Variants in FOXO3 observed in about 807,000 individuals in gnomAD.
FOXO3 encodes forkhead box protein O3.
A neutral mutation model predicts 41.9 loss-of-function variants in FOXO3; 4 were observed. That is an observed-to-expected ratio of 0.10 (90% CI 0.05 to 0.22). The LOEUF is 0.22. Among genes scored for constraint, FOXO3 ranks in the 10% least tolerant of loss-of-function variants. The pLI, the probability that FOXO3 is intolerant of heterozygous loss-of-function variation, is 1.00. For missense variants in FOXO3, 534 were observed against 906.8 expected (o/e 0.59, Z 5.28); for synonymous variants, 318 against 389.3 (o/e 0.82, Z 2.16).
intron 1 of FOXO3, among the ~76,000 whole-genome samples, chr6:108,649,566 C>G (rs1271508379): frequency 7.1e-6 from 1 of 140,896 alleles, no homozygotes; most frequent in Non-Finnish European, 1.5e-5. Context: ...ACTGTGTTGC[C>G]CAAGCTGGAA....
chr6:108,601,389 C>T (rs1038603803), intron 1 of FOXO3, among the ~76,000 whole-genome samples: 16 of 152,110 alleles, frequency 1.1e-4, no homozygotes, highest in Non-Finnish European at 4.4e-5. Flanking sequence ...CTGCAGCCTC[C>T]GCCTCCTGGT....
intron 1 of FOXO3, among the ~76,000 whole-genome samples, chr6:108,568,769 A>G (rs1347278733): frequency 1.3e-5 from 2 of 152,120 alleles, no homozygotes; most frequent in African/African-American, 4.8e-5. Context: ...CCTAGCATCG[A>G]TGTTGATGTG....
At chr6:108,646,504 T>A (rs1778396261) in intron 1 of FOXO3, among the ~76,000 whole-genome samples, 1 of 152,210 alleles carries the variant, frequency 6.6e-6, no homozygotes, top group African/African-American at 2.4e-5. Context: ...AAAAACAAAA[T>A]GTCCTCTACT....
At position 108,663,526 on chromosome 6, in the gene FOXO3, C is replaced by T. The variant is rs773888086; in HGVS notation, c.693C>T (p.Ser231=). 1 of 1,612,768 alleles carries T rather than the reference C, an allele frequency of 6.2e-7. No individual in the cohort carries two copies. The highest frequency in any genetic ancestry group is 8.5e-7 in the Non-Finnish European group (1 of 1,179,314). ...TCCAGAATGAGGGAACTGGCAAGAG[C>T]TCTTGGTGGATCATCAACCCTGATG... ...MRVQNEGTGK[S]SWWIINPDGG... The change falls in exon 2 of 3, where the codon AGC becomes AGT. Residue 231 remains serine (S), a synonymous_variant. Coordinates refer to ENST00000406360, the MANE Select transcript of FOXO3 (RefSeq NM_001455.4).
chr6:108,676,553 G>A (rs1009423716), intron 2 of FOXO3, among the ~76,000 whole-genome samples: 5 of 152,086 alleles, frequency 3.3e-5, no homozygotes, highest in Non-Finnish European at 7.4e-5. Context: ...TTAATCCGAT[G>A]TGTTTTTAAA....
chr6:108,639,209 G>T (rs1180068746), intron 1 of FOXO3, among the ~76,000 whole-genome samples: 1 of 152,168 alleles, frequency 6.6e-6, no homozygotes, highest in African/African-American at 2.4e-5. Flanking sequence ...CCCACTGGGT[G>T]AGAGAAGAGC....
At chr6:108,603,380 A>G (rs925050599) in intron 1 of FOXO3, among the ~76,000 whole-genome samples, 1 of 152,200 alleles carries the variant, frequency 6.6e-6, no homozygotes, top group African/African-American at 2.4e-5. Context: ...AGTACCTTCT[A>G]CATGTTTGCA....
At chr6:108,606,377 G>A (rs1192680451) in intron 1 of FOXO3, among the ~76,000 whole-genome samples, 3 of 152,138 alleles carry the variant, frequency 2.0e-5, no homozygotes, top group Non-Finnish European at 2.9e-5. Context: ...CTGGTAGGGC[G>A]GTGTTTTCTG....
chr6:108,654,767 T>C (rs1446390454), intron 1 of FOXO3, among the ~76,000 whole-genome samples: 1 of 152,122 alleles, frequency 6.6e-6, no homozygotes, highest in Admixed American at 6.5e-5. Flanking sequence ...CCCTTAATGG[T>C]TTAAACTTTT....
chr6:108,604,726 GTTGCTTT>G (rs1287674838), intron 1 of FOXO3, among the ~76,000 whole-genome samples: 10 of 151,430 alleles, frequency 6.6e-5, no homozygotes, highest in Admixed American at 1.3e-4. Flanking sequence ...TTTTTTCCTT[GTTGCTTT>G]TTGCTTTTCA....
chr6:108,667,308 G>C (rs1779092801), intron 2 of FOXO3, among the ~76,000 whole-genome samples: 1 of 152,214 alleles, frequency 6.6e-6, no homozygotes, highest in Non-Finnish European at 1.5e-5. Context: ...TAGAAGACTA[G>C]TTTGTCTTCC....
Position 108,660,394 on chromosome 6 carries a change from T to G in FOXO3, c.622-3061T>G, listed in dbSNP as rs181479724. On this transcript the variant is annotated intron_variant, in intron 1 of 2. Coordinates refer to ENST00000406360, the MANE Select transcript of FOXO3 (RefSeq NM_001455.4). Reference sequence around the variant, plus strand: ...AGTCTCCTGGGCAACATTTGCCTTATCAGATACTCAGCATGTTGCTTATGT... The same window carrying G: ...AGTCTCCTGGGCAACATTTGCCTTAGCAGATACTCAGCATGTTGCTTATGT... Among the ~76,000 whole-genome samples, 300 of 152,390 alleles carry G rather than the reference T, an allele frequency of 2.0e-3. 1 individual carries two copies. The highest frequency in any genetic ancestry group is 6.3e-3 in the African/African-American group (261 of 41,590).
chr6:108,655,512 C>G (rs1382198214), intron 1 of FOXO3, among the ~76,000 whole-genome samples: 3 of 152,144 alleles, frequency 2.0e-5, no homozygotes, highest in African/African-American at 7.2e-5. Context: ...CCTAATTGCA[C>G]ATTAGAATAA....
chr6:108,619,988 GT>G (rs1777622738), intron 1 of FOXO3, among the ~76,000 whole-genome samples: 1 of 152,162 alleles, frequency 6.6e-6, no homozygotes, highest in South Asian at 2.1e-4. Flanking sequence ...GTCCTTACAG[GT>G]TAAATTCAAA....
In FOXO3 at chr6:108,664,674, A is replaced by G; in HGVS notation, c.1841A>G (p.Asp614Gly). Residue 614 changes from aspartate (D) to glycine (G), a missense_variant, in exon 2 of 3, where the codon GAC (aspartate) becomes GGC (glycine). Around this residue, in one of 8 missense-constraint regions of FOXO3, gnomAD observed 94 missense variants for 214.4 expected, o/e 0.44. Transcript: ENST00000406360. ...HEKFPSDLDL[D>G]MFNGSLECDM... ...AAGTTCCCCAGCGACTTGGACCTGG[A>G]CATGTTCAATGGGAGCTTGGAATGT... is the stretch of plus-strand genomic sequence containing the variant. 1 of 1,033,664 alleles carries G rather than the reference A, an allele frequency of 9.7e-7. No individual in the cohort carries two copies. The highest frequency in any genetic ancestry group is 1.5e-6 in the Non-Finnish European group (1 of 670,806). The allele number at this position is 1,033,664 out of a possible 1,614,324, so 64.0% of individuals were successfully genotyped here.
At chr6:108,672,463 C>G (rs1402038915) in intron 2 of FOXO3, among the ~76,000 whole-genome samples, 1 of 152,236 alleles carries the variant, frequency 6.6e-6, no homozygotes, top group Non-Finnish European at 1.5e-5. Context: ...TGTAGAGCCA[C>G]TGGACACTGG....
chr6:108,640,476 TTAAA>T (rs375870848), intron 1 of FOXO3, among the ~76,000 whole-genome samples: 7 of 152,224 alleles, frequency 4.6e-5, no homozygotes, highest in African/African-American at 1.2e-4. Context: ...CATACTTGTA[TTAAA>T]TAAATTCACA....
intron 1 of FOXO3, among the ~76,000 whole-genome samples, chr6:108,658,913 T>C (rs59629924): frequency 0.044 from 6,693 of 151,358 alleles, 411 homozygotes; most frequent in African/African-American, 0.14. Flanking sequence ...GAGATAGGGC[T>C]GTGCTCTGTC....
intron 1 of FOXO3, among the ~76,000 whole-genome samples, chr6:108,602,985 A>G (rs1777095217): frequency 6.6e-6 from 1 of 152,182 alleles, no homozygotes; most frequent in South Asian, 2.1e-4. Context: ...CTTGGAAAAT[A>G]TACTATATTT....
Sources: gnomAD v4.1 joint callset for allele counts (sites outside exome capture counted in the v4.1 genomes callset) on GRCh38, gnomAD v4.1.1 for gene constraint, gnomAD v4.1.1 regional missense constraint, MANE v1.5 for transcripts, NCBI Gene and HGNC (gene_info 2026-07-23, HGNC 2026-07-21) for gene names.